DNAH17: variants seen among roughly 807,000 people sequenced by gnomAD.
DNAH17 encodes dynein axonemal heavy chain 17.
Under a neutral mutation model 485.6 loss-of-function variants are expected in DNAH17, and 376 were observed. The ratio of observed to expected loss-of-function variants is 0.77; its 90% confidence interval spans 0.71 to 0.84. The LOEUF is 0.84. Ranked by LOEUF, DNAH17 falls within the 40% of genes least tolerant of loss-of-function variation. The pLI is 0.00. For synonymous variants in DNAH17, 3,031 were observed against 2,405.9 expected (o/e 1.26, Z -7.60); for missense variants, 6,370 against 5,839.3 (o/e 1.09, Z -2.96).
chr17:78,498,814 A>T (rs2090168592), intron 37 of DNAH17, 194 bp downstream of exon 37: 1 of 472,292 alleles, frequency 2.1e-6, no homozygotes. Flanking sequence ...CTGTAATCTG[A>T]TTCTGTTTTC....
In DNAH17 at chr17:78,468,605, C is replaced by T. The variant is rs542323968; in HGVS notation, c.8778+12G>A. On this transcript the variant is annotated intron_variant, in intron 55 of 80. Transcript: ENST00000389840. ...TGGGCTCTTGAGGCCCTGCCGAAGA[C>T]GGGAGCCCCACCTTGAGCTGTCTGC... The T allele has an allele frequency of 2.5e-5, 41 of 1,608,500 alleles. No individual in the cohort carries two copies. The highest frequency in any genetic ancestry group is 8.4e-5 in the Admixed American group (5 of 59,428).
intron 55 of DNAH17, 108 bp from the exon 56 acceptor site, chr17:78,466,924 C>G: frequency 1.6e-6 from 2 of 1,247,608 alleles, no homozygotes; most frequent in Non-Finnish European, 2.1e-6. Flanking sequence ...CTGCCGGGCT[C>G]AGCCGCCCAG....
Position 78,500,472 on chromosome 17 carries a change from C to A in DNAH17, c.5484-11G>T. The stretch of plus-strand genomic sequence containing the variant: ...AGGGTGATATAGCACCTGCAAGTGA[C>A]CACAGGTAAGCGTGTGTGCCAGCGA... On this transcript the variant is annotated splice_polypyrimidine_tract_variant and intron_variant, in intron 35 of 80. Coordinates refer to ENST00000389840, the MANE Select transcript of DNAH17 (RefSeq NM_173628.4). 1 of 1,559,520 alleles carries A rather than the reference C, an allele frequency of 6.4e-7. No homozygotes were observed. Among genetic ancestry groups the A allele is most frequent in the African/African-American group, 1.4e-5 (1 of 72,364 alleles).
At chr17:78,431,076 G>C (rs1216829235) in intron 75 of DNAH17, among the ~76,000 whole-genome samples, 1 of 147,834 alleles carries the variant, frequency 6.8e-6, no homozygotes, top group Non-Finnish European at 1.5e-5. Flanking sequence ...ACAGGGTCTT[G>C]CTGTGTTGGC....
At chr17:78,483,906 G>C (rs1045046398) in intron 48 of DNAH17, among the ~76,000 whole-genome samples, 6 of 151,886 alleles carry the variant, frequency 4.0e-5, no homozygotes, top group African/African-American at 1.5e-4. Context: ...AGAACAGCCT[G>C]GCCAACATGG....
chr17:78,544,336 C>G (rs7207779), intron 16 of DNAH17, among the ~76,000 whole-genome samples: 122,161 of 151,950 alleles, frequency 0.8, 49,326 homozygotes, highest in African/African-American at 0.87. Flanking sequence ...AGGACCCGAG[C>G]GTCGAGGAGT....
At position 78,455,819 on chromosome 17, in the gene DNAH17, G is replaced by A. The variant is rs1310430062; in HGVS notation, c.9995C>T (p.Ala3332Val). 1 of 1,604,320 alleles carries A rather than the reference G, an allele frequency of 6.2e-7. No homozygotes were observed. The highest frequency in any genetic ancestry group is 1.7e-5 in the Admixed American group (1 of 58,050). The change falls in exon 63 of 81, where the codon GCA (alanine) becomes GTA (valine). Residue 3332 changes from alanine (A) to valine (V), a missense_variant. Transcript: ENST00000389840. ...LLANRLVGGL[A>V]SENIRWAESV... ...CTCAGCCCAGCGGATGTTTTCCGAT[G>A]CTAATCCCCCGACCAGCCTAAAGTG...
Position 78,428,661 on chromosome 17 carries a change from T to C in DNAH17, c.12452A>G (p.Tyr4151Cys), listed in dbSNP as rs1356448799. Residue 4151 changes from tyrosine to cysteine, a missense_variant, in exon 77 of 81, where the codon TAT becomes TGT. Tyr to Cys is a radical substitution (Grantham distance 194). Transcript: ENST00000389840. ...IDENLPPESPYLYGLHPNAEI... is the reference protein window; with the variant it reads ...IDENLPPESPCLYGLHPNAEI... ...TGCGTTGGGGTGCAGGCCATACAGA[T>C]AGGGACTCTCAGGGGGCAGGTTCTC... 6.2e-7 allele frequency: 1 copy of C among 1,613,932 alleles called. No homozygotes were observed. The highest frequency in any genetic ancestry group is 1.1e-5 in the South Asian group (1 of 91,082).
chr17:78,429,492 G>A (rs974051147), intron 75 of DNAH17, among the ~76,000 whole-genome samples, 192 bp from the exon 76 acceptor site: 5 of 152,128 alleles, frequency 3.3e-5, no homozygotes, highest in East Asian at 1.9e-4. Context: ...TTTCCATTCC[G>A]CGCCACCAGA....
intron 66 of DNAH17, 87 bp downstream of exon 66, chr17:78,451,382 A>G (rs2087544376): frequency 7.8e-7 from 1 of 1,282,136 alleles, no homozygotes; most frequent in African/African-American, 1.5e-5. Flanking sequence ...CTGGACTGGC[A>G]GCCCTGGTCG....
chr17:78,494,093 C>T lies in DNAH17; in HGVS notation c.6351G>A (p.Leu2117=), dbSNP rs914452137. Residue 2117 remains leucine, a synonymous_variant, in exon 41 of 81, where the codon CTG becomes CTA. Transcript: ENST00000389840. The part of the protein sequence containing the change: ...FVLKVVQLEE[L]LQVRHSVFIV... The stretch of plus-strand genomic sequence containing the variant: ...TGAACACGGAGTGGCGGACCTGCAG[C>T]AGCTCCTCCAGCTGCACCACCTTCA... 12 of 1,612,684 alleles carry T rather than the reference C, an allele frequency of 7.4e-6. No individual in the cohort carries two copies. Among genetic ancestry groups the T allele is most frequent in the Middle Eastern group, 1.6e-4 (1 of 6,062 alleles).
Position 78,507,370 on chromosome 17 carries a change from C to T in DNAH17, c.4585-1G>A. 9 of 1,614,006 alleles carry T rather than the reference C, an allele frequency of 5.6e-6. No individual in the cohort carries two copies. The highest frequency in any genetic ancestry group is 7.6e-6 in the Non-Finnish European group (9 of 1,179,898). On this transcript the variant is annotated splice_acceptor_variant, in intron 28 of 80. Coordinates refer to ENST00000389840, the MANE Select transcript of DNAH17 (RefSeq NM_173628.4). LOFTEE classifies it high-confidence loss of function. ...TTTTCACTGCATCTTCCATCAAGGC[C>T]TGGGAAGAGAAGGGGATCGCCAAGG...
chr17:78,535,364 T>TC (rs2091347346), intron 19 of DNAH17, among the ~76,000 whole-genome samples: 1 of 152,138 alleles, frequency 6.6e-6, no homozygotes, highest in Non-Finnish European at 1.5e-5. Flanking sequence ...GGAAACCTCC[T>TC]CCCACCCTTC....
At chr17:78,424,243 C>G in intron 80 of DNAH17, 90 bp from the exon 81 acceptor site, 5 of 1,477,022 alleles carry the variant, frequency 3.4e-6, no homozygotes, top group Non-Finnish European at 3.6e-6. Context: ...CACTCCCCGC[C>G]CTCTGCAGAG....
intron 17 of DNAH17, among the ~76,000 whole-genome samples, chr17:78,541,343 A>T (rs1413575445): frequency 2.1e-5 from 3 of 139,628 alleles, no homozygotes; most frequent in Non-Finnish European, 4.6e-5. Context: ...TGGGTGGATG[A>T]GTGGACAGAT....
intron 75 of DNAH17, among the ~76,000 whole-genome samples, chr17:78,429,993 T>G (rs1623869): frequency 0.14 from 21,051 of 152,230 alleles, 1,627 homozygotes; most frequent in Middle Eastern, 0.2. Flanking sequence ...CTCGGCAGTG[T>G]GGACCAGAGC....
intron 54 of DNAH17, among the ~76,000 whole-genome samples, chr17:78,473,006 C>CA (rs1221710541): frequency 3.9e-5 from 6 of 152,314 alleles, no homozygotes; most frequent in African/African-American, 1.4e-4. Flanking sequence ...GTCCACCCTC[C>CA]ACCCCTTTCC....
chr17:78,432,592 G>A (rs1332467707), intron 75 of DNAH17, among the ~76,000 whole-genome samples: 10 of 152,200 alleles, frequency 6.6e-5, no homozygotes, highest in Non-Finnish European at 1.2e-4. Context: ...CTCCAGTCTT[G>A]GTGAGGAGGC....
Position 78,476,598 on chromosome 17 carries a change from T to C in DNAH17, c.8128A>G (p.Met2710Val), listed in dbSNP as rs200518254. Residue 2710 changes from methionine (M) to valine (V), a missense_variant, in exon 52 of 81, where the codon ATG (methionine) becomes GTG (valine). Met to Val is a conservative substitution (Grantham distance 21). Coordinates refer to ENST00000389840, the MANE Select transcript of DNAH17 (RefSeq NM_173628.4). ...TCAAAGAACTTCTTGGTGGAGGCCA[T>C]GGTGACTCTATGCAATGTTTCCTGG... is the stretch of plus-strand genomic sequence containing the variant. ...KDQETLHRVT[M>V]ASTKKFFDDL... 1,752 of 1,611,186 alleles carry C rather than the reference T, an allele frequency of 1.1e-3. 3 individuals are homozygous for C. Among genetic ancestry groups the C allele is most frequent in the Middle Eastern group, 1.7e-3 (10 of 6,060 alleles).
Sources: allele counts gnomAD v4.1 joint callset (sites outside exome capture counted in the v4.1 genomes callset), GRCh38; gene constraint gnomAD v4.1.1; transcripts MANE v1.5; gene names NCBI Gene and HGNC (gene_info 2026-07-23, HGNC 2026-07-21).